OTOG: variants seen among roughly 807,000 people sequenced by gnomAD.
The protein encoded by OTOG is otogelin.
A neutral mutation model predicts 313.8 loss-of-function variants in OTOG; 296 were observed. The ratio of observed to expected loss-of-function variants is 0.94; its 90% confidence interval spans 0.86 to 1.04. OTOG has a LOEUF of 1.04. Ranked by LOEUF, OTOG falls within the 50% of genes least tolerant of loss-of-function variation. The probability of loss-of-function intolerance (pLI) is 0.00; values close to 1 mark genes in which losing one functional copy is unlikely to be tolerated. For synonymous variants in OTOG, 1,533 were observed against 1,554.9 expected (o/e 0.99, Z 0.33); for missense variants, 3,948 against 3,840.1 (o/e 1.03, Z -0.74).
chr11:17,634,728 G>T (rs1387793704), intron 44 of OTOG, 116 bp from the exon 45 acceptor site: 4 of 807,282 alleles, frequency 5.0e-6, no homozygotes, highest in Admixed American at 2.4e-5. Flanking sequence ...CCTGGGGGCT[G>T]GGGGGAGGAG....
intron 3 of OTOG, among the ~76,000 whole-genome samples, chr11:17,548,616 G>A (rs952948433): frequency 6.6e-6 from 1 of 151,910 alleles, no homozygotes; most frequent in East Asian, 1.9e-4. Context: ...CATACCCTGA[G>A]CGGAGCCTCA....
intron 15 of OTOG, among the ~76,000 whole-genome samples, chr11:17,565,773 A>G (rs957330268): frequency 2.0e-5 from 3 of 151,712 alleles, no homozygotes; most frequent in African/African-American, 7.3e-5. Flanking sequence ...CATACAGTTG[A>G]CTCCTGTGTC....
chr11:17,553,033 G>GC, intron 4 of OTOG, 86 bp from the exon 5 acceptor site: 2 of 1,252,268 alleles, frequency 1.6e-6, no homozygotes, highest in Non-Finnish European at 2.3e-6. Flanking sequence ...ATGGGGGTCT[G>GC]GATCCTGTGA....
intron 3 of OTOG, among the ~76,000 whole-genome samples, chr11:17,548,451 T>TA (rs1851860103): frequency 1.4e-5 from 1 of 73,224 alleles, no homozygotes; most frequent in Admixed American, 1.4e-4. Flanking sequence ...TTTTTTTTTT[T>TA]TTTTTAGGAG....
intron 4 of OTOG, 36 bp downstream of exon 4, chr11:17,552,111 C>A: frequency 6.5e-7 from 1 of 1,540,766 alleles, no homozygotes; most frequent in Non-Finnish European, 8.8e-7. Flanking sequence ...ATGGGTTGTG[C>A]ATGGGAGAGC....
chr11:17,621,883 G>A (rs1853873870), intron 39 of OTOG, among the ~76,000 whole-genome samples: 1 of 152,170 alleles, frequency 6.6e-6, no homozygotes, highest in African/African-American at 2.4e-5. Context: ...ATCATTTAAG[G>A]CAAGAGGGTA....
intron 46 of OTOG, 32 bp from the exon 47 acceptor site, chr11:17,635,578 G>C: frequency 2.0e-6 from 3 of 1,516,380 alleles, no homozygotes; most frequent in Non-Finnish European, 2.7e-6. Context: ...TGAGAGGACT[G>C]CTGTGACAGC....
At chr11:17,638,301 T>C (rs993670769) in intron 47 of OTOG, 150 bp from the exon 48 acceptor site, 20 of 653,620 alleles carry the variant, frequency 3.1e-5, no homozygotes, top group Non-Finnish European at 4.8e-5. Context: ...AGACTTCGGG[T>C]GCCCAGACTC....
intron 13 of OTOG, 35 bp downstream of exon 13, chr11:17,560,852 C>A (rs1411450965): frequency 1.2e-5 from 18 of 1,511,146 alleles, no homozygotes; most frequent in Non-Finnish European, 1.5e-5. Flanking sequence ...GGGTGTGGGG[C>A]ATGGCCGCTG....
Position 17,594,149 on chromosome 11 carries a change from A to G in OTOG, c.3391A>G (p.Ser1131Gly). The change falls in exon 28 of 56, where the codon AGT (serine) becomes GGT (glycine). Residue 1131 changes from serine to glycine, a missense_variant. Physicochemically the swap from Ser to Gly is moderately conservative, Grantham distance 56. Transcript: ENST00000399397. ...AACTAACCCCCAGGAGTTTGGCAGCAGTTGGGCTGCAGTTGAGGTAAAGCC... is the reference window on the plus strand; with the variant it reads ...AACTAACCCCCAGGAGTTTGGCAGCGGTTGGGCTGCAGTTGAGGTAAAGCC... ...ELTNPQEFGSSWAAVECPDTL... is the reference protein window; with the variant it reads ...ELTNPQEFGSGWAAVECPDTL... 2 of 1,550,600 alleles carry G rather than the reference A, an allele frequency of 1.3e-6. No homozygotes were observed. The highest frequency in any genetic ancestry group is 1.7e-6 in the Non-Finnish European group (2 of 1,146,998).
chr11:17,558,973 T>C, intron 10 of OTOG, 79 bp from the exon 11 acceptor site: 1 of 1,146,912 alleles, frequency 8.7e-7, no homozygotes. Flanking sequence ...CCTGAAGCCC[T>C]GGCAGTGTCT....
chr11:17,613,008 C>T (rs1402995916), intron 38 of OTOG, among the ~76,000 whole-genome samples: 1 of 152,154 alleles, frequency 6.6e-6, no homozygotes, highest in Non-Finnish European at 1.5e-5. Flanking sequence ...CTTGTGCCAG[C>T]TTCCTGCCAT....
chr11:17,573,172 C>T lies in OTOG; in HGVS notation c.2175C>T (p.Cys725=). The T allele has an allele frequency of 6.5e-7, 1 of 1,542,720 alleles. No homozygotes were observed. Residue 725 remains cysteine (C), a synonymous_variant, in exon 19 of 56, where the codon TGC becomes TGT. Transcript: ENST00000399397. ...GCCCCGTGCCCTACTTTGAGCAGTGCCGCAGGGATGCCTGCCGCTGCGGGC... is the reference window on the plus strand; with the variant it reads ...GCCCCGTGCCCTACTTTGAGCAGTGTCGCAGGGATGCCTGCCGCTGCGGGC... ...FLSPVPYFEQ[C]RRDACRCGQP...
intron 34 of OTOG, 36 bp from the exon 35 acceptor site, chr11:17,609,094 T>C: frequency 6.7e-7 from 1 of 1,503,378 alleles, no homozygotes; most frequent in Non-Finnish European, 9.0e-7. Flanking sequence ...CTGCCTGTAT[T>C]TCAGGCCTTT....
intron 14 of OTOG, among the ~76,000 whole-genome samples, chr11:17,561,421 T>TA (rs1852180204): frequency 6.6e-6 from 1 of 152,210 alleles, no homozygotes; most frequent in Non-Finnish European, 1.5e-5. Context: ...TCCTCAAGGC[T>TA]AGGCCCTGGT....
intron 27 of OTOG, 31 bp from the exon 28 acceptor site, chr11:17,594,016 C>T: frequency 1.9e-6 from 3 of 1,550,426 alleles, no homozygotes; most frequent in East Asian, 4.9e-5. Flanking sequence ...GGCAGGCCTG[C>T]AACTGACCAT....
chr11:17,576,420 C>T (rs893815988), intron 20 of OTOG, 136 bp from the exon 21 acceptor site: 3 of 700,226 alleles, frequency 4.3e-6, no homozygotes, highest in Non-Finnish European at 7.6e-6. Context: ...AGATGTGTCA[C>T]ATGTCACTGT....
At chr11:17,591,355 A>G in intron 24 of OTOG, 95 bp from the exon 25 acceptor site, 1 of 1,458,966 alleles carries the variant, frequency 6.9e-7, no homozygotes. Context: ...CGAGGGACAC[A>G]GTGCACATGC....
In OTOG at chr11:17,586,544, T is replaced by C; in HGVS notation, c.2830T>C (p.Phe944Leu). 6.9e-7 allele frequency: 1 copy of C among 1,440,468 alleles called. No homozygotes were observed. The highest frequency in any genetic ancestry group is 1.5e-5 in the South Asian group (1 of 65,394). 89.2% of individuals were successfully genotyped at this position (1,440,468 alleles called of 1,614,324 possible). ...CPCTWKGKEY[F>L]PGDQVMSPCH... ...CTGCACTTGGAAGGGGAAGGAGTAT[T>C]TCCCTGGGGACCAGGTGATGTCTCC... Residue 944 changes from phenylalanine (F) to leucine (L), a missense_variant, in exon 24 of 56, where the codon TTC becomes CTC. Coordinates refer to ENST00000399397, the MANE Select transcript of OTOG (RefSeq NM_001292063.2).
Sources: gnomAD v4.1 joint callset for allele counts (sites outside exome capture counted in the v4.1 genomes callset) on GRCh38, gnomAD v4.1.1 for gene constraint, MANE v1.5 for transcripts, NCBI Gene and HGNC (gene_info 2026-07-23, HGNC 2026-07-21) for gene names.